The following SHROOM3 variants were observed in gnomAD, a reference collection of about 807,000 sequenced individuals.
SHROOM3 encodes the protein shroom family member 3, also known as protein Shroom3.
A neutral mutation model predicts 138.6 loss-of-function variants in SHROOM3; 47 were observed. That is an observed-to-expected ratio of 0.34 (90% CI 0.27 to 0.43). The LOEUF (loss-of-function observed/expected upper bound fraction) is 0.43. Ranked by LOEUF, SHROOM3 falls within the 20% of genes least tolerant of loss-of-function variation. The pLI is 1.00. For synonymous variants in SHROOM3, 1,062 were observed against 1,063.3 expected (o/e 1.00, Z 0.02); for missense variants, 2,491 against 2,596.5 (o/e 0.96, Z 0.88).
At chr4:76,544,407 C>CTTTTTTTTTTT (rs58799466) in intron 1 of SHROOM3, among the ~76,000 whole-genome samples, 6 of 75,868 alleles carry the variant, frequency 7.9e-5, no homozygotes, top group Non-Finnish European at 1.7e-4. Context: ...AGCTCAATGG[C>CTTTTTTTTTTT]TTTTTTTTTT....
chr4:76,453,876 AT>A (rs1194308096), intron 1 of SHROOM3, among the ~76,000 whole-genome samples: 1 of 152,154 alleles, frequency 6.6e-6, no homozygotes, highest in Non-Finnish European at 1.5e-5. Context: ...AAAGTTTTAA[AT>A]TTGGATAAAG....
intron 1 of SHROOM3, among the ~76,000 whole-genome samples, chr4:76,470,245 G>A (rs1264326372): frequency 1.3e-5 from 2 of 152,126 alleles, no homozygotes; most frequent in East Asian, 3.9e-4. Context: ...GGGTTTCTGT[G>A]AGAATCAAGT....
chr4:76,769,085 G>C (rs1722259376), intron 9 of SHROOM3, among the ~76,000 whole-genome samples: 1 of 151,438 alleles, frequency 6.6e-6, no homozygotes, highest in South Asian at 2.1e-4. Context: ...CAATTCTGTT[G>C]GTCAAAAATA....
At chr4:76,616,414 A>C (rs1225940843) in intron 2 of SHROOM3, among the ~76,000 whole-genome samples, 2 of 152,210 alleles carry the variant, frequency 1.3e-5, no homozygotes, top group Non-Finnish European at 1.5e-5. Flanking sequence ...CCAAGTGTTC[A>C]TTGATAGATG....
rs1394223622 is a variant in SHROOM3 at position 76,780,968 on chromosome 4, G to C, written c.*1791G>C. The stretch of plus-strand genomic sequence containing the variant: ...GCTGATACTGAATGAGCCCTCACAA[G>C]CCAAGCCAGGTGGAAGACAGCCAGC... On this transcript the variant is annotated 3_prime_UTR_variant, in exon 11 of 11. Transcript: ENST00000296043. The C allele has an allele frequency of 1.3e-5, 2 of 152,202 alleles. No homozygotes were observed. The highest frequency in any genetic ancestry group is 2.4e-5 in the African/African-American group (1 of 41,412). 9.4% of individuals were successfully genotyped at this position (152,202 alleles called of 1,614,324 possible). A position where few individuals can be genotyped will look rare whatever the true frequency, so the allele number is the denominator to read the frequency against.
At chr4:76,461,023 AAAAAAAAAGAAG>A (rs1731131909) in intron 1 of SHROOM3, among the ~76,000 whole-genome samples, 1 of 128,712 alleles carries the variant, frequency 7.8e-6, no homozygotes, top group African/African-American at 2.7e-5. Flanking sequence ...AAAAATTTAA[AAAAAAAAAGAAG>A]AAAAAGCAAT....
At chr4:76,744,237 T>C (rs1025080322) in intron 5 of SHROOM3, among the ~76,000 whole-genome samples, 3 of 152,212 alleles carry the variant, frequency 2.0e-5, no homozygotes, top group Non-Finnish European at 2.9e-5. Flanking sequence ...ACCCTTTTCA[T>C]AAAGGGAATG....
At chr4:76,549,401 C>T (rs113925369) in intron 1 of SHROOM3, among the ~76,000 whole-genome samples, 241 of 151,762 alleles carry the variant, frequency 1.6e-3, no homozygotes, top group Non-Finnish European at 2.4e-3. Flanking sequence ...TGGCGTCTCG[C>T]TCTGTTGCCC....
At chr4:76,742,311 C>T (rs557808011) in intron 5 of SHROOM3, among the ~76,000 whole-genome samples, 9 of 151,558 alleles carry the variant, frequency 5.9e-5, no homozygotes, top group African/African-American at 2.2e-4. Context: ...TAGCTTTGCA[C>T]CCTTTCTGTT....
At chr4:76,566,901 T>C (rs1577889917) in intron 2 of SHROOM3, among the ~76,000 whole-genome samples, 1 of 152,278 alleles carries the variant, frequency 6.6e-6, no homozygotes. Context: ...TCATTAGTCG[T>C]TGGCAAAATT....
At chr4:76,547,932 A>AACCAC (rs1553922312) in intron 1 of SHROOM3, among the ~76,000 whole-genome samples, 1 of 146,074 alleles carries the variant, frequency 6.8e-6, no homozygotes, top group African/African-American at 2.6e-5. Context: ...CCTGTCTCAA[A>AACCAC]ACACACACAC....
intron 1 of SHROOM3, among the ~76,000 whole-genome samples, chr4:76,550,587 G>T (rs1165298728): frequency 6.6e-6 from 1 of 152,142 alleles, no homozygotes; most frequent in African/African-American, 2.4e-5. Flanking sequence ...ATCTTCTTTG[G>T]TAATAATTAA....
chr4:76,769,831 G>A (rs142255265), intron 9 of SHROOM3, among the ~76,000 whole-genome samples: 23 of 152,302 alleles, frequency 1.5e-4, no homozygotes, highest in Non-Finnish European at 2.6e-4. Context: ...TTCTCCATAT[G>A]TATGGCACAT....
At chr4:76,647,409 G>T (rs1165334406) in intron 2 of SHROOM3, among the ~76,000 whole-genome samples, 1 of 152,132 alleles carries the variant, frequency 6.6e-6, no homozygotes, top group Non-Finnish European at 1.5e-5. Context: ...AGCTAGAAAA[G>T]AGACTTGAAA....
chr4:76,546,637 A>G (rs1733225632), intron 1 of SHROOM3, among the ~76,000 whole-genome samples: 1 of 152,212 alleles, frequency 6.6e-6, no homozygotes, highest in African/African-American at 2.4e-5. Context: ...GCTTTGTTTG[A>G]GAGATTCTTG....
At chr4:76,629,952 G>A (rs1735266104) in intron 2 of SHROOM3, among the ~76,000 whole-genome samples, 1 of 152,206 alleles carries the variant, frequency 6.6e-6, no homozygotes, top group Non-Finnish European at 1.5e-5. Context: ...TATGAACCAT[G>A]AAATTTCCAT....
chr4:76,553,426 C>A (rs1468779224), intron 1 of SHROOM3, among the ~76,000 whole-genome samples: 2 of 152,160 alleles, frequency 1.3e-5, no homozygotes, highest in Non-Finnish European at 2.9e-5. Flanking sequence ...CAGGCATGCA[C>A]CACCACACTC....
At chr4:76,542,474 T>C (rs2110021515) in intron 1 of SHROOM3, among the ~76,000 whole-genome samples, 1 of 152,350 alleles carries the variant, frequency 6.6e-6, no homozygotes, top group Non-Finnish European at 1.5e-5. Context: ...CTAGATTATC[T>C]TATTGGGCCA....
chr4:76,534,675 C>G (rs941206103), intron 1 of SHROOM3, among the ~76,000 whole-genome samples: 1 of 152,168 alleles, frequency 6.6e-6, no homozygotes, highest in Non-Finnish European at 1.5e-5. Flanking sequence ...TAAGCAGCAT[C>G]CTTAGCCCAC....
Sources: gnomAD v4.1 joint callset for allele counts (sites outside exome capture counted in the v4.1 genomes callset) on GRCh38, gnomAD v4.1.1 for gene constraint, MANE v1.5 for transcripts, NCBI Gene and HGNC (gene_info 2026-07-23, HGNC 2026-07-21) for gene names.